APC: variants seen among roughly 807,000 people sequenced by gnomAD.
APC encodes the protein APC regulator of Wnt signaling pathway, also known as adenomatous polyposis coli protein.
In APC, 72 loss-of-function variants were observed where a neutral mutation model predicts 247.0. That is an observed-to-expected ratio of 0.29 (90% CI 0.24 to 0.35). The LOEUF (loss-of-function observed/expected upper bound fraction) is 0.35, where lower values mean the gene tolerates loss of function less well. APC is among the 10% of genes least tolerant of loss of function. The pLI is 1.00. For synonymous variants in APC, 1,254 were observed against 1,162.5 expected, an observed-to-expected ratio of 1.08 and a Z score of -1.60; for missense variants, 3,400 against 3,360.7, an observed-to-expected ratio of 1.01 and a Z score of -0.29.
intron 14 of APC, among the ~76,000 whole-genome samples, chr5:112,830,938 A>G (rs1391606276): frequency 6.6e-6 from 1 of 152,154 alleles, no homozygotes; most frequent in Non-Finnish European, 1.5e-5. Context: ...ACTGTTCTTC[A>G]ATTATATTTC....
chr5:112,836,172 C>T (rs1231455293), intron 15 of APC, among the ~76,000 whole-genome samples: 3 of 71,966 alleles, frequency 4.2e-5, no homozygotes, highest in East Asian at 1.0e-3. Context: ...AGGTCCCCCC[C>T]CCCCCCCGCC....
chr5:112,810,717 G>A (rs1422420002), intron 8 of APC, among the ~76,000 whole-genome samples: 1 of 152,190 alleles, frequency 6.6e-6, no homozygotes, highest in Non-Finnish European at 1.5e-5. Context: ...TTAAAAGCTA[G>A]CAAGAGAATT....
intron 4 of APC, among the ~76,000 whole-genome samples, chr5:112,772,021 G>A (rs1034630963): frequency 2.6e-5 from 4 of 152,178 alleles, no homozygotes; most frequent in African/African-American, 7.2e-5. Flanking sequence ...TTAGCACTAT[G>A]CCCAGTACAT....
At chr5:112,724,282 C>G (rs187996618) in intron 1 of APC, among the ~76,000 whole-genome samples, 1 of 151,878 alleles carries the variant, frequency 6.6e-6, no homozygotes, top group African/African-American at 2.4e-5. Flanking sequence ...TTCAGAAGCT[C>G]ATAGTCTAAT....
chr5:112,774,066 A>G (rs547330669), intron 4 of APC, among the ~76,000 whole-genome samples: 1 of 152,308 alleles, frequency 6.6e-6, no homozygotes, highest in South Asian at 2.1e-4. Context: ...GTGTATATGT[A>G]TTAAATGAGG....
chr5:112,763,007 C>T (rs1397605964), intron 2 of APC, among the ~76,000 whole-genome samples: 1 of 152,178 alleles, frequency 6.6e-6, no homozygotes, highest in East Asian at 1.9e-4. Context: ...AAAGCACTTA[C>T]AAAAGTAATT....
chr5:112,748,895 G>A (rs370301094), intron 1 of APC, among the ~76,000 whole-genome samples: 33 of 152,282 alleles, frequency 2.2e-4, no homozygotes, highest in African/African-American at 6.7e-4. Flanking sequence ...TACTCTAGAG[G>A]CTGAAGCAGG....
intron 1 of APC, among the ~76,000 whole-genome samples, chr5:112,741,748 ACT>A (rs967093780): frequency 3.2e-4 from 48 of 151,716 alleles, no homozygotes; most frequent in African/African-American, 1.1e-3. Context: ...CCTAATTAAA[ACT>A]CTGTGCACAT....
At position 112,840,984 on chromosome 5, in the gene APC, A is replaced by G. The variant is rs1278802463; in HGVS notation, c.5390A>G (p.Asn1797Ser). ...TRVRKNADSK[N>S]NLNAERVFSD... ...GTAAGAAAAAATGCAGACTCAAAAA[A>G]TAATTTAAATGCTGAGAGAGTTTTC... Residue 1797 changes from asparagine (N) to serine (S), a missense_variant, in exon 16 of 16, where the codon AAT becomes AGT. Asn to Ser is a conservative substitution (Grantham distance 46). Transcript: ENST00000257430. This position sits in a 1 kb window ranked among gnomAD's most constrained non-coding sequence, Gnocchi z 4.1. 2 of 1,612,544 alleles carry G rather than the reference A, an allele frequency of 1.2e-6. No individual in the cohort carries two copies. The highest frequency in any genetic ancestry group is 1.1e-5 in the South Asian group (1 of 90,968).
intron 4 of APC, among the ~76,000 whole-genome samples, chr5:112,773,576 G>A (rs1242598805): frequency 2.0e-5 from 3 of 152,074 alleles, no homozygotes; most frequent in Admixed American, 6.5e-5. Context: ...CAAATATTTT[G>A]TATGTTATAT....
chr5:112,722,500 C>T (rs1433442738), intron 1 of APC, among the ~76,000 whole-genome samples: 3 of 152,126 alleles, frequency 2.0e-5, no homozygotes, highest in Admixed American at 1.3e-4. Flanking sequence ...CCCACACTGT[C>T]TATCCAGAAA....
intron 6 of APC, among the ~76,000 whole-genome samples, chr5:112,783,953 G>A (rs977341678): frequency 6.6e-6 from 1 of 151,772 alleles, no homozygotes; most frequent in Non-Finnish European, 1.5e-5. Context: ...ATAAAGTAAG[G>A]TACTATTTTT....
chr5:112,737,962 G>C (rs1316112193), intron 1 of APC, 37 bp downstream of exon 1: 1 of 982,546 alleles, frequency 1.0e-6, no homozygotes, highest in Non-Finnish European at 1.2e-6. Context: ...GCTTGCTGCG[G>C]GGGGAGGGGG....
chr5:112,753,726 A>G lies in APC; in HGVS notation c.-18-1147A>G, dbSNP rs182023902. 5.1e-3 allele frequency among the ~76,000 whole-genome samples: 773 copies of G among 152,224 alleles called. 5 individuals carry two copies. Among genetic ancestry groups the G allele is most frequent in the South Asian group, 0.022 (104 of 4,820 alleles). On this transcript the variant is annotated intron_variant, in intron 1 of 15. Coordinates refer to ENST00000257430, the MANE Select transcript of APC (RefSeq NM_000038.6). ...TGATTTCCTTTGGTAGAGTCTTCCA[A>G]TTGCTGAACTCCAATATTGTCGTGA...
At position 112,846,195 on chromosome 5, in the gene APC, T is replaced by C. The variant is rs1333527544; in HGVS notation, c.*2069T>C. The C allele has an allele frequency of 4.3e-6, 1 of 231,104 alleles. No individual in the cohort carries two copies. The highest frequency in any genetic ancestry group is 8.6e-6 in the Non-Finnish European group (1 of 116,824). 14.3% of individuals were successfully genotyped at this position (231,104 alleles called of 1,614,324 possible). Reference sequence around the variant, plus strand: ...GAAATTGTCTATGAATACCATCTACTTCTGTTGTTTTCCCAGGCTTCCATA... The same window carrying C: ...GAAATTGTCTATGAATACCATCTACCTCTGTTGTTTTCCCAGGCTTCCATA... On this transcript the variant is annotated 3_prime_UTR_variant, in exon 16 of 16. Transcript: ENST00000257430.
chr5:112,719,142 A>G (rs1751342251), intron 1 of APC, among the ~76,000 whole-genome samples: 1 of 152,132 alleles, frequency 6.6e-6, no homozygotes, highest in South Asian at 2.1e-4. Context: ...TAAACTGAGG[A>G]GGGACTGCAG....
chr5:112,720,503 C>G (rs2149655470), intron 1 of APC, among the ~76,000 whole-genome samples: 1 of 152,328 alleles, frequency 6.6e-6, no homozygotes, highest in South Asian at 2.1e-4. Flanking sequence ...CATGAACCCT[C>G]CCGTCCTACC....
intron 6 of APC, among the ~76,000 whole-genome samples, chr5:112,787,291 G>C (rs1759074312): frequency 6.6e-6 from 1 of 152,218 alleles, no homozygotes; most frequent in Non-Finnish European, 1.5e-5. Context: ...AGATGGCTTA[G>C]TAGGCCCTAG....
intron 1 of APC, among the ~76,000 whole-genome samples, chr5:112,716,002 C>T (rs946707861): frequency 2.0e-5 from 3 of 152,022 alleles, no homozygotes; most frequent in African/African-American, 7.2e-5. Context: ...GTTATTTGTA[C>T]CTTTTCCTTT....
Sources: gnomAD v4.1 joint callset for allele counts (sites outside exome capture counted in the v4.1 genomes callset) on GRCh38, gnomAD v4.1.1 for gene constraint, Gnocchi (gnomAD v3.1) non-coding constraint, MANE v1.5 for transcripts, NCBI Gene and HGNC (gene_info 2026-07-23, HGNC 2026-07-21) for gene names.